Variants in DLGAP5 observed in about 807,000 individuals in gnomAD.
The protein encoded by DLGAP5 is DLG associated protein 5.
Under a neutral mutation model 99.6 loss-of-function variants are expected in DLGAP5, and 90 were observed. The observed-to-expected ratio is 0.90, with a 90% CI of 0.76 to 1.08. DLGAP5 has a LOEUF of 1.08. Among genes scored for constraint, DLGAP5 ranks in the 50% least tolerant of loss-of-function variants. The probability of loss-of-function intolerance (pLI) is 0.00; values close to 1 mark genes in which losing one functional copy is unlikely to be tolerated. For synonymous variants in DLGAP5, 311 were observed against 321.3 expected (o/e 0.97, Z 0.34); for missense variants, 1,036 against 983.5 (o/e 1.05, Z -0.71).
At chr14:55,171,480 C>T (rs550924299) in intron 10 of DLGAP5, among the ~76,000 whole-genome samples, 1 of 152,236 alleles carries the variant, frequency 6.6e-6, no homozygotes, top group South Asian at 2.1e-4. Flanking sequence ...AAAAAGTATC[C>T]TAGCATGTAG....
intron 2 of DLGAP5, among the ~76,000 whole-genome samples, chr14:55,188,294 C>T (rs1221464574): frequency 1.3e-5 from 2 of 152,158 alleles, no homozygotes; most frequent in Admixed American, 6.5e-5. Context: ...CTAAGATGCT[C>T]TATTTTCATC....
chr14:55,162,962 C>T lies in DLGAP5; in HGVS notation c.1653+9G>A, dbSNP rs1555328253. On this transcript the variant is annotated intron_variant, in intron 13 of 18. Coordinates refer to ENST00000247191, the MANE Select transcript of DLGAP5 (RefSeq NM_014750.5). Reference sequence around the variant, plus strand: ...AAAAAAAAATTGGATATAAAACCCACAAACTTACCCTAAAGACATTTTTGT... The same window carrying T: ...AAAAAAAAATTGGATATAAAACCCATAAACTTACCCTAAAGACATTTTTGT... The T allele has an allele frequency of 6.7e-7, 1 of 1,495,572 alleles. No individual in the cohort carries two copies. Among genetic ancestry groups the T allele is most frequent in the Non-Finnish European group, 9.0e-7 (1 of 1,114,356 alleles). 92.6% of individuals were successfully genotyped at this position (1,495,572 alleles called of 1,614,324 possible). A position where few individuals can be genotyped will look rare whatever the true frequency, so the allele number is the denominator to read the frequency against.
intron 13 of DLGAP5, among the ~76,000 whole-genome samples, chr14:55,159,051 C>G (rs903434907): frequency 1.3e-5 from 2 of 149,660 alleles, no homozygotes; most frequent in African/African-American, 2.5e-5. Context: ...ACACCCCCCC[C>G]CCATAAAAAA....
At chr14:55,159,816 T>C (rs754290391) in intron 13 of DLGAP5, among the ~76,000 whole-genome samples, 3 of 152,038 alleles carry the variant, frequency 2.0e-5, no homozygotes, top group African/African-American at 7.2e-5. Flanking sequence ...AGGTAGGAAT[T>C]CTAAATAACA....
intron 15 of DLGAP5, among the ~76,000 whole-genome samples, chr14:55,153,527 C>T (rs186047157): frequency 1.1e-3 from 148 of 138,868 alleles, no homozygotes; most frequent in African/African-American, 4.1e-3. Context: ...AGCAACAGAG[C>T]GACACTCCGT....
At chr14:55,170,402 A>C (rs1882815020) in intron 11 of DLGAP5, among the ~76,000 whole-genome samples, 1 of 151,400 alleles carries the variant, frequency 6.6e-6, no homozygotes, top group Non-Finnish European at 1.5e-5. Flanking sequence ...AATAATATTC[A>C]CTGTTACTTG....
intron 14 of DLGAP5, among the ~76,000 whole-genome samples, chr14:55,157,553 A>G (rs1313341464): frequency 6.6e-6 from 1 of 152,214 alleles, no homozygotes; most frequent in Non-Finnish European, 1.5e-5. Flanking sequence ...TTCAATTGAG[A>G]TAAATTCAAT....
At chr14:55,151,014 C>A (rs1881998380) in intron 17 of DLGAP5, among the ~76,000 whole-genome samples, 166 bp from the exon 18 acceptor site, 1 of 152,176 alleles carries the variant, frequency 6.6e-6, no homozygotes, top group Non-Finnish European at 1.5e-5. Flanking sequence ...AAATTCTTAT[C>A]CTTAACTTTG....
intron 12 of DLGAP5, among the ~76,000 whole-genome samples, chr14:55,167,513 A>G (rs2140315426): frequency 6.6e-6 from 1 of 152,208 alleles, no homozygotes; most frequent in East Asian, 1.9e-4. Flanking sequence ...TAGACTTAAT[A>G]ATTGTTTTGC....
At chr14:55,149,826 C>CA (rs1219960218) in intron 18 of DLGAP5, among the ~76,000 whole-genome samples, 2 of 137,424 alleles carry the variant, frequency 1.5e-5, no homozygotes. Context: ...GGGGGGGGGG[C>CA]ATCACCTGAG....
intron 17 of DLGAP5, 22 bp downstream of exon 17, chr14:55,151,673 A>T: frequency 6.2e-7 from 1 of 1,600,606 alleles, no homozygotes. Context: ...AGGCTCGTTT[A>T]AATATATTTT....
At position 55,152,638 on chromosome 14, in the gene DLGAP5, T is replaced by C; in HGVS notation, c.2073A>G (p.Ile691Met). Residue 691 changes from isoleucine (I) to methionine (M), a missense_variant, in exon 16 of 19, where the codon ATA (isoleucine) becomes ATG (methionine). Coordinates refer to ENST00000247191, the MANE Select transcript of DLGAP5 (RefSeq NM_014750.5). ...GTAATCCAGGACACTGAGCATCTTC[T>C]ATGCTGCTCCTAAAGAAGAAAAAAA... ...FLSIPESRSS[I>M]EDAQCPGLPD... is the part of the protein sequence containing the mutation. The C allele has an allele frequency of 6.3e-7, 1 of 1,599,930 alleles. No homozygotes were observed. Among genetic ancestry groups the C allele is most frequent in the Non-Finnish European group, 8.5e-7 (1 of 1,174,562 alleles).
At chr14:55,158,803 C>A (rs1470337154) in intron 13 of DLGAP5, 62 bp from the exon 14 acceptor site, 1 of 1,194,908 alleles carries the variant, frequency 8.4e-7, no homozygotes, top group African/African-American at 1.5e-5. Context: ...AAACACACAA[C>A]AAACACAAAT....
At position 55,177,310 on chromosome 14, in the gene DLGAP5, T is replaced by C. The variant is rs1159442288; in HGVS notation, c.801A>G (p.Glu267=). Residue 267 remains glutamate (E), a synonymous_variant, in exon 8 of 19, where the codon GAA becomes GAG. Coordinates refer to ENST00000247191, the MANE Select transcript of DLGAP5 (RefSeq NM_014750.5). ...DKGISCKVDS[E]ENTLNSQTNA... is the part of the protein sequence containing the mutation. The stretch of plus-strand genomic sequence containing the variant: ...TAGTTTGTGAATTCAAAGTATTTTC[T>C]TCACTATCGACTTTACAAGAAATAC... 6.2e-7 allele frequency: 1 copy of C among 1,606,250 alleles called. No individual in the cohort carries two copies. Among genetic ancestry groups the C allele is most frequent in the East Asian group, 2.2e-5 (1 of 44,636 alleles).
At chr14:55,189,202 C>T (rs1282219585) in intron 1 of DLGAP5, 22 bp from the exon 2 acceptor site, 20 of 1,572,924 alleles carry the variant, frequency 1.3e-5, no homozygotes, top group Middle Eastern at 1.7e-4. Flanking sequence ...AAGGACAAAA[C>T]CCAACTTACA....
intron 1 of DLGAP5, 105 bp from the exon 2 acceptor site, chr14:55,189,285 A>G: frequency 2.5e-6 from 2 of 811,502 alleles, no homozygotes; most frequent in Non-Finnish European, 3.9e-6. Flanking sequence ...CTGAAATAAA[A>G]ATATAAAATG....
Position 55,169,511 on chromosome 14 carries a change from T to G in DLGAP5, c.1436A>C (p.Lys479Thr), listed in dbSNP as rs1289134372. 5.0e-6 allele frequency: 8 copies of G among 1,610,174 alleles called. No individual in the cohort carries two copies. The highest frequency in any genetic ancestry group is 6.8e-6 in the Non-Finnish European group (8 of 1,179,090). Residue 479 changes from lysine (K) to threonine (T), a missense_variant, in exon 12 of 19, where the codon AAG (lysine) becomes ACG (threonine). Transcript: ENST00000247191. ...TAVGQTRLLM[K>T]ERFKQFEGLV... ...TCCTTCAAACTGTTTAAACCTTTCC[T>G]TCATAAGGAGTCTTGTTTGACCAAC...
At chr14:55,149,818 G>GGT (rs1205587044) in intron 18 of DLGAP5, among the ~76,000 whole-genome samples, 1 of 28,590 alleles carries the variant, frequency 3.5e-5, no homozygotes, top group Non-Finnish European at 5.4e-5. Flanking sequence ...ATCGGGGCGG[G>GGT]GGGGGGGCAT....
chr14:55,178,217 A>T (rs544808172), intron 7 of DLGAP5, among the ~76,000 whole-genome samples: 1 of 152,188 alleles, frequency 6.6e-6, no homozygotes, highest in African/African-American at 2.4e-5. Flanking sequence ...GTGTCACTGC[A>T]CTTCAGCCTG....
Sources: allele counts gnomAD v4.1 joint callset (sites outside exome capture counted in the v4.1 genomes callset), GRCh38; gene constraint gnomAD v4.1.1; transcripts MANE v1.5; gene names NCBI Gene and HGNC (gene_info 2026-07-23, HGNC 2026-07-21).